Variants in HHIPL1 observed in about 807,000 individuals in gnomAD.
The protein encoded by HHIPL1 is HHIP like 1.
Under a neutral mutation model 61.8 loss-of-function variants are expected in HHIPL1, and 43 were observed. The observed-to-expected ratio is 0.70, with a 90% CI of 0.55 to 0.90. HHIPL1 has a LOEUF of 0.90. Among genes scored for constraint, HHIPL1 ranks in the 40% least tolerant of loss-of-function variants. The pLI is 0.00. For missense variants in HHIPL1, 1,056 were observed against 1,157.7 expected (o/e 0.91, Z 1.28); for synonymous variants, 482 against 515.8 (o/e 0.93, Z 0.89).
chr14:99,664,460 A>G lies in HHIPL1; in HGVS notation c.1648+1439A>G, dbSNP rs529536584. 3.9e-5 allele frequency among the ~76,000 whole-genome samples: 6 copies of G among 152,166 alleles called. No homozygotes were observed. In the South Asian group the frequency reaches 1.2e-3, roughly 32 times the overall value. On this transcript the variant is annotated intron_variant, in intron 6 of 8. Transcript: ENST00000330710. ...GCCTGGAAGGAAGGTACAGTTCCCAAAAGGCTGTTCCTCAGCCCTCTGAGT... is the reference window on the plus strand; with the variant it reads ...GCCTGGAAGGAAGGTACAGTTCCCAGAAGGCTGTTCCTCAGCCCTCTGAGT...
In HHIPL1 at chr14:99,675,976, G is replaced by T; in HGVS notation, c.*350G>T. The T allele has an allele frequency of 3.7e-6, 1 of 270,242 alleles. No individual in the cohort carries two copies. The highest frequency in any genetic ancestry group is 6.7e-5 in the East Asian group (1 of 14,988). The allele number at this position is 270,242 out of a possible 1,614,324, so 16.7% of individuals were successfully genotyped here. ...GCTTCGAGGACGGACATGGCCCCTG[G>T]CTGTGCTAACAGAGGCACAGCTTGC... On this transcript the variant is annotated 3_prime_UTR_variant, in exon 9 of 9. Coordinates refer to ENST00000330710, the MANE Select transcript of HHIPL1 (RefSeq NM_001127258.3). The surrounding 1 kb of genome is among the most constrained non-coding windows in gnomAD (Gnocchi z 5.4).
At chr14:99,674,794 T>G (rs921378840) in intron 8 of HHIPL1, among the ~76,000 whole-genome samples, 1 of 151,950 alleles carries the variant, frequency 6.6e-6, no homozygotes, top group African/African-American at 2.4e-5. Flanking sequence ...GGGCTTGGGG[T>G]AGGGAGACGC....
Position 99,659,971 on chromosome 14 carries a change from C to T in HHIPL1, c.1375+215C>T, listed in dbSNP as rs759411206. On this transcript the variant is annotated intron_variant, in intron 4 of 8. Transcript: ENST00000330710. The stretch of plus-strand genomic sequence containing the variant: ...CACCCCCTGACCCTGGATCTGCCCC[C>T]ACCCCAACTCCACGGGCTGTGAGCC... 3.1e-4 allele frequency among the ~76,000 whole-genome samples: 47 copies of T among 151,678 alleles called. 1 individual carries two copies. The highest frequency in any genetic ancestry group is 1.3e-3 in the South Asian group (6 of 4,796).
At chr14:99,635,854 CATATATAA>C in the HHIPL1 span, among the ~76,000 whole-genome samples, 333 of 152,252 alleles carry the variant, frequency 2.2e-3, 2 homozygotes, top group African/African-American at 6.9e-3. Context: ...ATTAATCACA[CATATATAA>C]ATGCGTTTCC....
Position 99,663,021 on chromosome 14 carries a change from G to T in HHIPL1, c.1648G>T (p.Gly550Trp). ...YIISFGEDEA[G>W]ELYFMSTGEP... ...CATCTCCTTCGGGGAGGACGAGGCC[G>T]GTGAGCACTCCTGAGACCTCTCCTT... is the stretch of plus-strand genomic sequence containing the variant. Residue 550 changes from glycine to tryptophan, a missense_variant and splice_region_variant, in exon 6 of 9, where the codon GGG becomes TGG. Coordinates refer to ENST00000330710, the MANE Select transcript of HHIPL1 (RefSeq NM_001127258.3). 1.9e-6 allele frequency: 3 copies of T among 1,601,396 alleles called. No homozygotes were observed. Among genetic ancestry groups the T allele is most frequent in the Non-Finnish European group, 2.6e-6 (3 of 1,174,244 alleles).
the HHIPL1 span, chr14:99,625,289 G>A: frequency 6.6e-6 from 1 of 152,288 alleles, no homozygotes; most frequent in Non-Finnish European, 1.5e-5. Flanking sequence ...AAGGTGTAGG[G>A]GGGTCAAGGC....
chr14:99,659,890 C>T (rs2056121141), intron 4 of HHIPL1, 134 bp downstream of exon 4: 2 of 775,744 alleles, frequency 2.6e-6, no homozygotes, highest in South Asian at 1.9e-5. Flanking sequence ...CTGTCCTCGG[C>T]CCCACTCTAT....
chr14:99,638,997 A>G, the HHIPL1 span, among the ~76,000 whole-genome samples: 1 of 152,178 alleles, frequency 6.6e-6, no homozygotes, highest in African/African-American at 2.4e-5. Flanking sequence ...TCATTCCCTC[A>G]TCCTTTCACT....
At chr14:99,644,381 G>A (rs1054990625), upstream of HHIPL1, among the ~76,000 whole-genome samples, 1 of 149,714 alleles carries the variant, frequency 6.7e-6, no homozygotes, top group Admixed American at 6.8e-5. Flanking sequence ...GAGACAGTGT[G>A]TGTGTGTTTG....
chr14:99,652,084 C>T (rs372297510), intron 1 of HHIPL1, 140 bp from the exon 2 acceptor site: 27 of 721,702 alleles, frequency 3.7e-5, no homozygotes, highest in East Asian at 8.0e-5. Context: ...TGAGGCTTAT[C>T]GTGGTAACAG....
At chr14:99,664,966 G>A (rs1008156054) in intron 6 of HHIPL1, among the ~76,000 whole-genome samples, 3 of 150,536 alleles carry the variant, frequency 2.0e-5, no homozygotes, top group Non-Finnish European at 4.4e-5. Context: ...CCAGGCTGGA[G>A]TGAAGTGGTG....
At chr14:99,645,981 C>T (rs2055827098) in intron 1 of HHIPL1, among the ~76,000 whole-genome samples, 6 of 152,242 alleles carry the variant, frequency 3.9e-5, no homozygotes, top group Admixed American at 3.3e-4. Context: ...CGTCTCACCC[C>T]CATCCTGATG....
Position 99,660,504 on chromosome 14 carries a change from C to CACTG in HHIPL1, c.1502+100_1502+101insTGAC. On this transcript the variant is annotated intron_variant, in intron 5 of 8. Coordinates refer to ENST00000330710, the MANE Select transcript of HHIPL1 (RefSeq NM_001127258.3). This position sits in a 1 kb window ranked among gnomAD's most constrained non-coding sequence, Gnocchi z 4.9. ...GAGTGTATGTGTGCGCCCGTTCCTG[C>CACTG]ACATGTGCCTCGCTGCTCTGACAGG... 7.0e-7 allele frequency: 1 copy of CACTG among 1,418,766 alleles called. No individual in the cohort carries two copies. Among genetic ancestry groups the CACTG allele is most frequent in the Non-Finnish European group, 9.6e-7 (1 of 1,036,650 alleles). 87.9% of individuals were successfully genotyped at this position (1,418,766 alleles called of 1,614,324 possible).
the HHIPL1 span, among the ~76,000 whole-genome samples, chr14:99,613,387 G>A: frequency 3.6e-4 from 55 of 151,470 alleles, no homozygotes; most frequent in African/African-American, 1.3e-3. Flanking sequence ...GTGCAGTGGT[G>A]CCATCTCGGC....
intron 1 of HHIPL1, among the ~76,000 whole-genome samples, chr14:99,649,095 C>A (rs553110656): frequency 1.3e-5 from 2 of 152,312 alleles, no homozygotes; most frequent in African/African-American, 4.8e-5. Flanking sequence ...TTGTCACTTC[C>A]TAGCTCTGGA....
chr14:99,632,882 T>TGAGA, the HHIPL1 span, among the ~76,000 whole-genome samples: 16 of 150,512 alleles, frequency 1.1e-4, no homozygotes, highest in African/African-American at 2.4e-4. Flanking sequence ...GGTGTGTGTG[T>TGAGA]GAGAGAGAGA....
At chr14:99,635,460 G>T in the HHIPL1 span, among the ~76,000 whole-genome samples, 1 of 152,174 alleles carries the variant, frequency 6.6e-6, no homozygotes, top group African/African-American at 2.4e-5. Flanking sequence ...GGAAAGGAAA[G>T]TGACCCTCAG....
the HHIPL1 span, among the ~76,000 whole-genome samples, chr14:99,623,533 C>T: frequency 2.0e-5 from 3 of 152,160 alleles, no homozygotes; most frequent in Non-Finnish European, 4.4e-5. Context: ...CCCACCTCAG[C>T]CTCCCAAGTA....
the HHIPL1 span, among the ~76,000 whole-genome samples, chr14:99,605,261 A>G: frequency 7.2e-5 from 11 of 152,042 alleles, no homozygotes; most frequent in Non-Finnish European, 1.6e-4. Context: ...CCGGCCACAG[A>G]ACTCCCCACC....
Sources: allele counts gnomAD v4.1 joint callset (sites outside exome capture counted in the v4.1 genomes callset), GRCh38; gene constraint gnomAD v4.1.1; non-coding constraint Gnocchi (gnomAD v3.1); transcripts MANE v1.5; gene names NCBI Gene and HGNC (gene_info 2026-07-23, HGNC 2026-07-21).